The following DENR variants were observed in gnomAD, a reference collection of about 807,000 sequenced individuals.
The protein encoded by DENR is density-regulated protein.
In DENR, 6 loss-of-function variants were observed where a neutral mutation model predicts 30.6. The observed-to-expected ratio is 0.20, with a 90% CI of 0.11 to 0.39. The LOEUF (loss-of-function observed/expected upper bound fraction) is 0.39, where lower values mean the gene tolerates loss of function less well. Ranked by LOEUF, DENR falls within the 10% of genes least tolerant of loss-of-function variation. The pLI, the probability that DENR is intolerant of heterozygous loss-of-function variation, is 1.00. For synonymous variants in DENR, 78 were observed against 72.1 expected (o/e 1.08, Z -0.41); for missense variants, 141 against 230.9 (o/e 0.61, Z 2.52).
intron 2 of DENR, among the ~76,000 whole-genome samples, chr12:122,761,741 A>AGG (rs1878707222): frequency 6.6e-6 from 1 of 151,972 alleles, no homozygotes; most frequent in Non-Finnish European, 1.5e-5. Context: ...GAGCCCCTGG[A>AGG]GGGGTGGAGG....
chr12:122,759,432 G>A (rs549537283), intron 2 of DENR, among the ~76,000 whole-genome samples: 23 of 152,126 alleles, frequency 1.5e-4, no homozygotes, highest in African/African-American at 5.5e-4. Flanking sequence ...TTGCTGAACC[G>A]GGCCAGGCAC....
At position 122,769,181 on chromosome 12, in the gene DENR, T is replaced by G. The variant is rs1878934574; in HGVS notation, c.*103T>G. On this transcript the variant is annotated 3_prime_UTR_variant, in exon 8 of 8. Transcript: ENST00000280557. Reference sequence around the variant, plus strand: ...ATATATATATACACATATATATGTATATATACACATATATGTATGTATACA... The same window carrying G: ...ATATATATATACACATATATATGTAGATATACACATATATGTATGTATACA... 9.3e-7 allele frequency: 1 copy of G among 1,079,690 alleles called. No homozygotes were observed. The highest frequency in any genetic ancestry group is 3.8e-5 in the East Asian group (1 of 26,416). The allele number at this position is 1,079,690 out of a possible 1,614,324, so 66.9% of individuals were successfully genotyped here. A position where few individuals can be genotyped will look rare whatever the true frequency, so the allele number is the denominator to read the frequency against.
intron 2 of DENR, among the ~76,000 whole-genome samples, chr12:122,754,642 G>C (rs1451719166): frequency 2.0e-5 from 3 of 152,184 alleles, no homozygotes; most frequent in Non-Finnish European, 4.4e-5. Context: ...GACCACATCT[G>C]ACATTTAAGT....
chr12:122,759,442 C>T (rs1468398834), intron 2 of DENR, among the ~76,000 whole-genome samples: 1 of 152,164 alleles, frequency 6.6e-6, no homozygotes, highest in Non-Finnish European at 1.5e-5. Flanking sequence ...GGGCCAGGCA[C>T]AGTGGCTCAC....
chr12:122,763,010 T>C, intron 4 of DENR, 81 bp downstream of exon 4: 1 of 797,822 alleles, frequency 1.3e-6, no homozygotes, highest in Non-Finnish European at 2.0e-6. Flanking sequence ...GATAGGAAAG[T>C]CCTCCTTTAG....
chr12:122,763,226 C>T (rs1878751032), intron 4 of DENR: 3 of 183,544 alleles, frequency 1.6e-5, no homozygotes, highest in African/African-American at 7.8e-5. Context: ...ACAGTGAAAC[C>T]CCATCTCTAC....
Position 122,769,165 on chromosome 12 carries a change from T to C in DENR, c.*87T>C, listed in dbSNP as rs181798326. 9.3e-4 allele frequency: 1,080 copies of C among 1,166,240 alleles called. 7 individuals are homozygous for C. Among genetic ancestry groups the C allele is most frequent in the Admixed American group, 2.3e-3 (74 of 31,574 alleles). The allele number at this position is 1,166,240 out of a possible 1,614,324, so 72.2% of individuals were successfully genotyped here. On this transcript the variant is annotated 3_prime_UTR_variant, in exon 8 of 8. Coordinates refer to ENST00000280557, the MANE Select transcript of DENR (RefSeq NM_003677.5). ...AGGCCTTTTAAAATATATATATATA[T>C]ACACATATATATGTATATATACACA...
intron 2 of DENR, 138 bp downstream of exon 2, chr12:122,753,945 G>C (rs942106948): frequency 9.6e-6 from 7 of 727,506 alleles, no homozygotes; most frequent in Non-Finnish European, 1.7e-5. Context: ...GTCCTGGGGA[G>C]GAGGAGGCAT....
intron 2 of DENR, among the ~76,000 whole-genome samples, chr12:122,759,026 G>A (rs1232780823): frequency 1.3e-5 from 2 of 151,698 alleles, no homozygotes; most frequent in African/African-American, 4.8e-5. Flanking sequence ...TGTATTTTTA[G>A]TAGAGATGGG....
intron 5 of DENR, 81 bp downstream of exon 5, chr12:122,765,468 A>C: frequency 7.7e-7 from 1 of 1,293,804 alleles, no homozygotes; most frequent in East Asian, 2.5e-5. Flanking sequence ...AATGGTTCCC[A>C]AAGCTAGGCA....
intron 2 of DENR, among the ~76,000 whole-genome samples, chr12:122,756,751 G>A (rs77800216): frequency 0.063 from 9,645 of 152,192 alleles, 1,057 homozygotes; most frequent in African/African-American, 0.22. Context: ...ATGGCAACGT[G>A]GTTTGGGGCC....
At chr12:122,765,227 G>A (rs1483949888) in intron 4 of DENR, 77 bp from the exon 5 acceptor site, 4 of 1,176,892 alleles carry the variant, frequency 3.4e-6, no homozygotes, top group Non-Finnish European at 4.8e-6. Context: ...TGTATATGAG[G>A]TTGCTCAAAG....
chr12:122,761,531 A>G lies in DENR; in HGVS notation c.107-656A>G, dbSNP rs1042510608. Among the ~76,000 whole-genome samples the G allele has an allele frequency of 8.5e-5, 13 of 152,312 alleles. No homozygotes were observed. The South Asian group carries it at 1.0e-3, about 12-fold the overall frequency. On this transcript the variant is annotated intron_variant, in intron 2 of 7. Transcript: ENST00000280557. ...TGTTTTGGTAGAACCATCAAAAGAA[A>G]TAACCAGGCTGGGAACAGTGCTTCA... is the stretch of plus-strand genomic sequence containing the variant.
chr12:122,759,481 G>A (rs1273269913), intron 2 of DENR, among the ~76,000 whole-genome samples: 4 of 152,200 alleles, frequency 2.6e-5, no homozygotes, highest in Admixed American at 2.6e-4. Context: ...TTGGGAGGCT[G>A]AGGCCAAGGC....
intron 2 of DENR, 137 bp from the exon 3 acceptor site, chr12:122,762,050 G>A (rs1878714445): frequency 1.9e-6 from 1 of 524,746 alleles, no homozygotes; most frequent in Non-Finnish European, 3.3e-6. Context: ...AGTAGCATTT[G>A]AAAAGTGGTA....
intron 2 of DENR, among the ~76,000 whole-genome samples, chr12:122,755,961 G>A (rs934876156): frequency 2.6e-5 from 4 of 152,184 alleles, no homozygotes; most frequent in Admixed American, 6.5e-5. Flanking sequence ...AGCCAGCTTG[G>A]TAAGAAGGTA....
chr12:122,760,697 G>T (rs1878675780), intron 2 of DENR, among the ~76,000 whole-genome samples: 1 of 152,264 alleles, frequency 6.6e-6, no homozygotes, highest in Admixed American at 6.5e-5. Context: ...TGCTACTGCA[G>T]TCCGGCCTGG....
At chr12:122,765,230 G>A in intron 4 of DENR, 74 bp from the exon 5 acceptor site, 1 of 1,215,008 alleles carries the variant, frequency 8.2e-7, no homozygotes, top group Non-Finnish European at 1.2e-6. Context: ...ATATGAGGTT[G>A]CTCAAAGGTG....
intron 6 of DENR, chr12:122,768,151 T>C (rs1878896794): frequency 6.6e-6 from 1 of 152,624 alleles, no homozygotes; most frequent in East Asian, 1.9e-4. Context: ...ACCACTTACA[T>C]ATTTCTTTGT....
Sources: allele counts gnomAD v4.1 joint callset (sites outside exome capture counted in the v4.1 genomes callset), GRCh38; gene constraint gnomAD v4.1.1; transcripts MANE v1.5; gene names NCBI Gene and HGNC (gene_info 2026-07-23, HGNC 2026-07-21).